Variants in ZFAT observed in about 807,000 individuals in gnomAD.
ZFAT encodes the protein zinc finger protein ZFAT.
A neutral mutation model predicts 117.7 loss-of-function variants in ZFAT; 64 were observed. The observed-to-expected ratio is 0.54, with a 90% CI of 0.44 to 0.67. The LOEUF (loss-of-function observed/expected upper bound fraction) is 0.67. ZFAT is among the 30% of genes least tolerant of loss of function. The probability of loss-of-function intolerance (pLI) is 0.00; values close to 1 mark genes in which losing one functional copy is unlikely to be tolerated. For synonymous variants in ZFAT, 679 were observed against 615.0 expected (o/e 1.10, Z -1.54); for missense variants, 1,433 against 1,584.5 (o/e 0.90, Z 1.62).
At chr8:134,759,737 C>T in the ZFAT span, among the ~76,000 whole-genome samples, 28 of 151,752 alleles carry the variant, frequency 1.8e-4, no homozygotes, top group Non-Finnish European at 1.5e-5. Context: ...GAAATTTGGG[C>T]GGCTGAGGCA....
At chr8:134,597,294 G>A (rs879104) in intron 7 of ZFAT, among the ~76,000 whole-genome samples, 64,419 of 151,816 alleles carry the variant, frequency 0.42, 15,406 homozygotes, top group East Asian at 0.89. Flanking sequence ...AAATCCTGGA[G>A]CCTGTTTTCA....
At chr8:134,675,141 G>C (rs1287691753) in intron 1 of ZFAT, among the ~76,000 whole-genome samples, 2 of 152,106 alleles carry the variant, frequency 1.3e-5, no homozygotes, top group African/African-American at 4.8e-5. Flanking sequence ...TCAGAAGGTG[G>C]GTAATAAATT....
rs188189007 is a variant in ZFAT at position 134,596,219 on chromosome 8, G to A, written c.2475+4217C>T. On this transcript the variant is annotated intron_variant, in intron 7 of 15. Transcript: ENST00000377838. ...CTTTCACATCACAAAGCACAATCAC[G>A]CTATCCCACTGGAGCATTGCCACCA... Among the ~76,000 whole-genome samples, 322 of 152,224 alleles carry A rather than the reference G, an allele frequency of 2.1e-3. 2 individuals are homozygous for A. The highest frequency in any genetic ancestry group is 4.0e-3 in the Admixed American group (61 of 15,292).
intron 15 of ZFAT, among the ~76,000 whole-genome samples, chr8:134,499,742 G>A (rs528069984): frequency 1.3e-5 from 2 of 152,360 alleles, no homozygotes; most frequent in Non-Finnish European, 2.9e-5. Flanking sequence ...CTGGCCGGGG[G>A]ACTACGTTTT....
intron 15 of ZFAT, among the ~76,000 whole-genome samples, chr8:134,482,366 G>A (rs142308109): frequency 2.0e-5 from 3 of 152,314 alleles, no homozygotes; most frequent in Admixed American, 6.5e-5. Flanking sequence ...AACGAAGTTC[G>A]CAGGCGGATC....
intron 9 of ZFAT, 121 bp from the exon 10 acceptor site, chr8:134,584,126 T>A (rs182706309): frequency 8.8e-7 from 1 of 1,133,114 alleles, no homozygotes; most frequent in Admixed American, 2.7e-5. Flanking sequence ...ATATAAAACA[T>A]CCGTTTTGAA....
the ZFAT span, among the ~76,000 whole-genome samples, chr8:134,753,847 G>A: frequency 2.1e-4 from 32 of 152,260 alleles, no homozygotes; most frequent in Middle Eastern, 6.8e-3. Flanking sequence ...TTGTTACGGT[G>A]GCGTAATTAT....
chr8:134,747,702 C>T, the ZFAT span, among the ~76,000 whole-genome samples: 2 of 152,180 alleles, frequency 1.3e-5, no homozygotes, highest in African/African-American at 4.8e-5. Flanking sequence ...GTGATGGAAT[C>T]TAGGCCACTT....
the ZFAT span, among the ~76,000 whole-genome samples, chr8:134,783,101 A>G: frequency 1.3e-5 from 2 of 152,296 alleles, no homozygotes; most frequent in East Asian, 1.9e-4. Context: ...CATAAATAAT[A>G]CACTATATCA....
intron 15 of ZFAT, among the ~76,000 whole-genome samples, chr8:134,483,936 C>A (rs1180345094): frequency 1.3e-5 from 2 of 152,226 alleles, no homozygotes; most frequent in African/African-American, 4.8e-5. Flanking sequence ...GTGGCTACGG[C>A]TCTGGCTGCC....
intron 11 of ZFAT, among the ~76,000 whole-genome samples, chr8:134,535,729 G>C (rs1821788360): frequency 1.3e-5 from 2 of 151,870 alleles, no homozygotes; most frequent in South Asian, 4.2e-4. Context: ...AATTTGTCGG[G>C]CTTTCTCATC....
chr8:134,717,466 C>CTTTTTTTTTT (rs746460924), upstream of ZFAT, among the ~76,000 whole-genome samples: 602 of 19,354 alleles, frequency 0.031, 260 homozygotes, highest in Non-Finnish European at 0.055. Context: ...AATAACAACT[C>CTTTTTTTTTT]TTTTTTTTTT....
the ZFAT span, among the ~76,000 whole-genome samples, chr8:134,779,391 C>G: frequency 6.6e-6 from 1 of 151,666 alleles, no homozygotes. Context: ...CAATGTGGGA[C>G]AGACACGCTG....
At chr8:134,683,439 G>A (rs888154955) in intron 1 of ZFAT, among the ~76,000 whole-genome samples, 1 of 152,214 alleles carries the variant, frequency 6.6e-6, no homozygotes, top group Non-Finnish European at 1.5e-5. Flanking sequence ...ACAGGCCACA[G>A]AAGCACGTGT....
At chr8:134,539,282 G>T (rs1157244925) in intron 11 of ZFAT, among the ~76,000 whole-genome samples, 1 of 152,200 alleles carries the variant, frequency 6.6e-6, no homozygotes, top group Non-Finnish European at 1.5e-5. Flanking sequence ...GTACAGGATG[G>T]CTTTTTGGCA....
chr8:134,738,126 T>A, the ZFAT span, among the ~76,000 whole-genome samples: 1 of 152,224 alleles, frequency 6.6e-6, no homozygotes, highest in Non-Finnish European at 1.5e-5. Context: ...TGTAGTCTAG[T>A]GTTACTTTTT....
intron 1 of ZFAT, among the ~76,000 whole-genome samples, chr8:134,711,575 T>C (rs967979959): frequency 1.3e-5 from 2 of 151,992 alleles, no homozygotes; most frequent in African/African-American, 4.8e-5. Flanking sequence ...TGACCCGAGA[T>C]TGCACCATTG....
chr8:134,625,396 C>T (rs116758922), intron 3 of ZFAT, among the ~76,000 whole-genome samples: 1 of 152,352 alleles, frequency 6.6e-6, no homozygotes, highest in African/African-American at 2.4e-5. Context: ...CCTATTCCAT[C>T]TCCTTCTCCA....
At chr8:134,781,589 A>G in the ZFAT span, among the ~76,000 whole-genome samples, 2 of 152,178 alleles carry the variant, frequency 1.3e-5, no homozygotes, top group African/African-American at 2.4e-5. Flanking sequence ...GAAAATACCA[A>G]TTGGTTACAG....
Sources: gnomAD v4.1 joint callset for allele counts (sites outside exome capture counted in the v4.1 genomes callset) on GRCh38, gnomAD v4.1.1 for gene constraint, MANE v1.5 for transcripts, NCBI Gene and HGNC (gene_info 2026-07-23, HGNC 2026-07-21) for gene names.